GRIN3A: variants seen among roughly 807,000 people sequenced by gnomAD.
GRIN3A encodes glutamate receptor ionotropic, NMDA 3A.
In GRIN3A, 47 loss-of-function variants were observed where a neutral mutation model predicts 92.4. That is an observed-to-expected ratio of 0.51 (90% CI 0.40 to 0.65). The LOEUF (loss-of-function observed/expected upper bound fraction) is 0.65, where lower values mean the gene tolerates loss of function less well. Among genes scored for constraint, GRIN3A ranks in the 30% least tolerant of loss-of-function variants. GRIN3A has a pLI of 0.00. For synonymous variants in GRIN3A, 527 were observed against 540.6 expected, an observed-to-expected ratio of 0.97 and a Z score of 0.35; for missense variants, 1,324 against 1,393.1, an observed-to-expected ratio of 0.95 and a Z score of 0.79.
intron 5 of GRIN3A, among the ~76,000 whole-genome samples, chr9:101,617,620 A>T (rs868432167): frequency 2.8e-4 from 40 of 145,450 alleles, no homozygotes; most frequent in African/African-American, 9.9e-4. Context: ...ATTTTATTTT[A>T]TTTATTTATT....
intron 3 of GRIN3A, among the ~76,000 whole-genome samples, chr9:101,636,922 G>GA (rs1187692426): frequency 2.6e-5 from 4 of 152,100 alleles, no homozygotes; most frequent in African/African-American, 9.7e-5. Flanking sequence ...CATAAAAGGT[G>GA]AAAAAACAAG....
At chr9:101,652,165 G>C (rs1829023124) in intron 3 of GRIN3A, among the ~76,000 whole-genome samples, 1 of 152,018 alleles carries the variant, frequency 6.6e-6, no homozygotes, top group South Asian at 2.1e-4. Flanking sequence ...TTTAGGTGAG[G>C]AGACTGAGGT....
intron 3 of GRIN3A, among the ~76,000 whole-genome samples, chr9:101,662,769 C>T (rs886708398): frequency 1.3e-5 from 2 of 151,626 alleles, no homozygotes; most frequent in African/African-American, 4.8e-5. Context: ...TATTTTATCC[C>T]AACTATCTTT....
chr9:101,691,467 C>T (rs181085447), intron 1 of GRIN3A, among the ~76,000 whole-genome samples: 49 of 152,076 alleles, frequency 3.2e-4, no homozygotes, highest in Non-Finnish European at 6.5e-4. Flanking sequence ...ACTATACAAG[C>T]GTTCTTTAAT....
At chr9:101,737,212 C>A in intron 1 of GRIN3A, 69 bp downstream of exon 1, 1 of 1,312,412 alleles carries the variant, frequency 7.6e-7, no homozygotes, top group South Asian at 1.2e-5. Context: ...GCCGTTTTCT[C>A]TCCCCTCATG....
At chr9:101,619,816 A>G (rs965863986) in intron 5 of GRIN3A, among the ~76,000 whole-genome samples, 3 of 152,228 alleles carry the variant, frequency 2.0e-5, no homozygotes, top group Admixed American at 1.3e-4. Flanking sequence ...GCTAACTCCA[A>G]TGCACAAATT....
chr9:101,641,144 TAG>T (rs1828855736), intron 3 of GRIN3A, among the ~76,000 whole-genome samples: 1 of 152,264 alleles, frequency 6.6e-6, no homozygotes, highest in African/African-American at 2.4e-5. Flanking sequence ...CAACAGGTGC[TAG>T]AGAGGATGTG....
intron 2 of GRIN3A, among the ~76,000 whole-genome samples, chr9:101,677,198 T>C (rs1239474509): frequency 2.0e-5 from 3 of 152,068 alleles, no homozygotes; most frequent in African/African-American, 7.2e-5. Context: ...GTATATTTCT[T>C]ATTTTTTCAG....
chr9:101,626,263 A>G (rs753630821), intron 4 of GRIN3A, among the ~76,000 whole-genome samples: 1 of 152,250 alleles, frequency 6.6e-6, no homozygotes, highest in Non-Finnish European at 1.5e-5. Context: ...AATAAAAGGA[A>G]TAAGCATTTT....
intron 1 of GRIN3A, among the ~76,000 whole-genome samples, chr9:101,714,497 G>A (rs1294205969): frequency 6.6e-6 from 1 of 152,148 alleles, no homozygotes; most frequent in Non-Finnish European, 1.5e-5. Flanking sequence ...GTGGCTGTGT[G>A]TGTCAGTTAG....
At chr9:101,730,197 A>C (rs1373006542) in intron 1 of GRIN3A, among the ~76,000 whole-genome samples, 2 of 152,166 alleles carry the variant, frequency 1.3e-5, no homozygotes, top group East Asian at 3.9e-4. Context: ...AATTGCGGGT[A>C]CACTTCAGTG....
intron 1 of GRIN3A, among the ~76,000 whole-genome samples, chr9:101,692,737 T>C (rs1392500193): frequency 1.3e-5 from 2 of 152,194 alleles, no homozygotes. Context: ...CCAAAGAGGC[T>C]GCAGGAGGTT....
At chr9:101,613,562 C>A in intron 5 of GRIN3A, 35 bp from the exon 6 acceptor site, 1 of 1,608,256 alleles carries the variant, frequency 6.2e-7, no homozygotes, top group Non-Finnish European at 8.5e-7. Context: ...GAGTTTTTTA[C>A]ACCCTTCCTG....
chr9:101,647,938 C>T (rs558921724), intron 3 of GRIN3A, among the ~76,000 whole-genome samples: 4 of 151,920 alleles, frequency 2.6e-5, no homozygotes, highest in African/African-American at 9.6e-5. Flanking sequence ...TCCAACTACT[C>T]ATTTTGTTGA....
chr9:101,680,232 G>A (rs1345741423), intron 2 of GRIN3A, among the ~76,000 whole-genome samples: 1 of 152,134 alleles, frequency 6.6e-6, no homozygotes, highest in Non-Finnish European at 1.5e-5. Flanking sequence ...TAGAATTATA[G>A]CATTCAGCCT....
At chr9:101,693,202 G>C (rs1564146050) in intron 1 of GRIN3A, among the ~76,000 whole-genome samples, 1 of 151,090 alleles carries the variant, frequency 6.6e-6, no homozygotes, top group African/African-American at 2.4e-5. Context: ...TCATGAGTTT[G>C]AGACCAGCCT....
Position 101,687,069 on chromosome 9 carries a change from G to T in GRIN3A, c.831C>A (p.Thr277=), listed in dbSNP as rs148925855. 1.9e-6 allele frequency: 3 copies of T among 1,614,118 alleles called. No homozygotes were observed. The highest frequency in any genetic ancestry group is 2.5e-6 in the Non-Finnish European group (3 of 1,180,008). ...TATTCTGGGTAAGGAGGAGGAAGTC[G>T]GTGATGTTCCAGTCTTCCTGGCACA... is the stretch of plus-strand genomic sequence containing the variant. ...LLLCQEDWNI[T]DFLLLTQNNS... is the part of the protein sequence containing the mutation. The change falls in exon 2 of 9, where the codon ACC becomes ACA. Residue 277 remains threonine (T), a synonymous_variant. Coordinates refer to ENST00000361820, the MANE Select transcript of GRIN3A (RefSeq NM_133445.3).
At chr9:101,600,929 GA>G (rs1380085367) in intron 6 of GRIN3A, 2 of 152,204 alleles carry the variant, frequency 1.3e-5, no homozygotes, top group African/African-American at 4.8e-5. Context: ...TCTTTGCTCA[GA>G]AAGCTTGCTG....
intron 3 of GRIN3A, among the ~76,000 whole-genome samples, chr9:101,665,718 T>A (rs1473083155): frequency 6.6e-6 from 1 of 151,926 alleles, no homozygotes; most frequent in Non-Finnish European, 1.5e-5. Flanking sequence ...GACTTCTCCA[T>A]AGGCACTAAA....
Sources: gnomAD v4.1 joint callset for allele counts (sites outside exome capture counted in the v4.1 genomes callset) on GRCh38, gnomAD v4.1.1 for gene constraint, MANE v1.5 for transcripts, NCBI Gene and HGNC (gene_info 2026-07-23, HGNC 2026-07-21) for gene names.